Variants in SOX5 observed in about 807,000 individuals in gnomAD.
The protein encoded by SOX5 is SRY-box transcription factor 5.
SOX5 carries 9 observed loss-of-function variants against 92.0 expected under a neutral mutation model. The ratio of observed to expected loss-of-function variants is 0.10; its 90% CI spans 0.06 to 0.17. SOX5 has a LOEUF of 0.17. Among genes scored for constraint, SOX5 ranks in the 10% least tolerant of loss-of-function variants. The probability of loss-of-function intolerance (pLI) is 1.00; values close to 1 mark genes in which losing one functional copy is unlikely to be tolerated. For synonymous variants in SOX5, 344 were observed against 336.3 expected, an observed-to-expected ratio of 1.02 and a Z score of -0.25; for missense variants, 642 against 944.5, an observed-to-expected ratio of 0.68 and a Z score of 4.20.
intron 4 of SOX5, among the ~76,000 whole-genome samples, chr12:24,121,687 G>A (rs1948635643): frequency 6.7e-6 from 1 of 149,620 alleles, no homozygotes; most frequent in South Asian, 2.1e-4. Context: ...AGGAGTTTGA[G>A]ACCAGCTTGG....
intron 3 of SOX5, among the ~76,000 whole-genome samples, chr12:24,243,221 A>C (rs189695559): frequency 1.3e-3 from 200 of 152,340 alleles, no homozygotes; most frequent in African/African-American, 4.7e-3. Flanking sequence ...CATATTATTT[A>C]GATAAATACA....
intron 6 of SOX5, among the ~76,000 whole-genome samples, chr12:23,674,353 T>TTTTTTTTTTTTTG: frequency 6.8e-6 from 1 of 147,446 alleles, no homozygotes; most frequent in Non-Finnish European, 1.5e-5. Flanking sequence ...TTTTTTTTTT[T>TTTTTTTTTTTTTG]TGAGACGGAG....
chr12:24,064,518 GAACA>G (rs765719698), intron 4 of SOX5, among the ~76,000 whole-genome samples: 1 of 152,084 alleles, frequency 6.6e-6, no homozygotes, highest in African/African-American at 2.4e-5. Context: ...ATAATATGCA[GAACA>G]ATCAGAAATG....
chr12:23,577,191 A>ATTTTT (rs1175798388), intron 9 of SOX5, among the ~76,000 whole-genome samples: 6 of 61,386 alleles, frequency 9.8e-5, no homozygotes, highest in East Asian at 5.2e-4. Context: ...ATATATATAT[A>ATTTTT]TTTTTTTTTT....
chr12:23,793,000 G>C (rs2095503501), intron 3 of SOX5, among the ~76,000 whole-genome samples: 1 of 152,196 alleles, frequency 6.6e-6, no homozygotes, highest in Non-Finnish European at 1.5e-5. Flanking sequence ...ATTTGGACTT[G>C]ATAGTCAAGA....
At chr12:23,759,413 C>T (rs1181652882) in intron 3 of SOX5, among the ~76,000 whole-genome samples, 1 of 151,972 alleles carries the variant, frequency 6.6e-6, no homozygotes, top group Non-Finnish European at 1.5e-5. Flanking sequence ...CTAGATTGGC[C>T]TGTGGGGGTG....
chr12:24,205,894 C>CA (rs1957972847), intron 4 of SOX5, among the ~76,000 whole-genome samples: 1 of 151,798 alleles, frequency 6.6e-6, no homozygotes, highest in African/African-American at 2.4e-5. Flanking sequence ...TTTTGGACAG[C>CA]AAAGGGAAAA....
intron 1 of SOX5, among the ~76,000 whole-genome samples, chr12:24,469,137 A>T (rs1377044638): frequency 6.6e-6 from 1 of 152,188 alleles, no homozygotes; most frequent in Non-Finnish European, 1.5e-5. Context: ...ATACTGACGG[A>T]TCATCAGGCA....
At chr12:24,154,730 A>T (rs146789366) in intron 4 of SOX5, among the ~76,000 whole-genome samples, 1 of 152,252 alleles carries the variant, frequency 6.6e-6, no homozygotes, top group African/African-American at 2.4e-5. Context: ...TGAGAAAAAA[A>T]TACATTTAAA....
intron 4 of SOX5, among the ~76,000 whole-genome samples, chr12:23,750,266 ATGT>A (rs2094140320): frequency 1.3e-5 from 2 of 151,954 alleles, no homozygotes; most frequent in Admixed American, 6.6e-5. Context: ...GAATTAAATA[ATGT>A]TGTCACAATA....
chr12:24,458,190 T>A (rs1233957746), intron 1 of SOX5, among the ~76,000 whole-genome samples: 1 of 152,154 alleles, frequency 6.6e-6, no homozygotes. Context: ...TGGCAACGTA[T>A]CCTAAATTAT....
intron 3 of SOX5, among the ~76,000 whole-genome samples, chr12:23,843,976 A>G (rs908457245): frequency 1.3e-5 from 2 of 152,220 alleles, no homozygotes; most frequent in Admixed American, 6.5e-5. Context: ...TCCTAGACTT[A>G]TGATAGGGTT....
At chr12:24,114,223 C>A (rs1016312912) in intron 4 of SOX5, among the ~76,000 whole-genome samples, 6 of 151,862 alleles carry the variant, frequency 4.0e-5, no homozygotes, top group African/African-American at 1.5e-4. Flanking sequence ...AAAAAAAGTC[C>A]TGGGAGAAGC....
chr12:23,591,817 T>G (rs922626463), intron 9 of SOX5, among the ~76,000 whole-genome samples: 1 of 152,178 alleles, frequency 6.6e-6, no homozygotes. Flanking sequence ...TCACAATGCT[T>G]CTTAAAACAT....
chr12:23,555,150 T>C lies in SOX5; in HGVS notation c.1488+8108A>G, dbSNP rs113286601. Among the ~76,000 whole-genome samples the C allele has an allele frequency of 4.8e-4, 73 of 152,332 alleles. 1 individual carries two copies. Among genetic ancestry groups the C allele is most frequent in the African/African-American group, 1.6e-3 (68 of 41,576 alleles). ...CTAAACTATTGTTGCCATTTTGTTG[T>C]ATATTCTTTTAGTCTTTTATCTATG... On this transcript the variant is annotated intron_variant, in intron 11 of 14. Coordinates refer to ENST00000451604, the MANE Select transcript of SOX5 (RefSeq NM_006940.6).
intron 1 of SOX5, among the ~76,000 whole-genome samples, chr12:24,434,865 T>G (rs1254253684): frequency 6.6e-6 from 1 of 152,256 alleles, no homozygotes; most frequent in African/African-American, 2.4e-5. Flanking sequence ...CTTTTCTTTA[T>G]AAATTACCCT....
intron 4 of SOX5, among the ~76,000 whole-genome samples, chr12:23,970,841 A>T (rs201627005): frequency 0.12 from 2,649 of 21,882 alleles, 726 homozygotes; most frequent in African/African-American, 0.29. Flanking sequence ...TATATATATA[A>T]TTTTTTTTTT....
intron 1 of SOX5, among the ~76,000 whole-genome samples, chr12:24,458,856 T>C (rs1943311988): frequency 6.6e-6 from 1 of 152,206 alleles, no homozygotes; most frequent in South Asian, 2.1e-4. Context: ...CCTTATTAAC[T>C]GGAATTCTAG....
intron 4 of SOX5, among the ~76,000 whole-genome samples, chr12:24,079,537 T>G (rs1392133772): frequency 6.6e-6 from 1 of 152,010 alleles, no homozygotes; most frequent in Non-Finnish European, 1.5e-5. Flanking sequence ...AGAACAGTAA[T>G]TTGGTATTTA....
Sources: allele counts gnomAD v4.1 joint callset (sites outside exome capture counted in the v4.1 genomes callset), GRCh38; gene constraint gnomAD v4.1.1; transcripts MANE v1.5; gene names NCBI Gene and HGNC (gene_info 2026-07-23, HGNC 2026-07-21).